Variants in SH3GL2 observed in about 807,000 individuals in gnomAD.
SH3GL2 encodes endophilin-A1.
A neutral mutation model predicts 46.0 loss-of-function variants in SH3GL2; 24 were observed. The observed-to-expected ratio is 0.52, with a 90% CI of 0.38 to 0.73. SH3GL2 has a LOEUF of 0.73. SH3GL2 is among the 30% of genes least tolerant of loss of function. The probability of loss-of-function intolerance (pLI) is 0.00; values close to 1 mark genes in which losing one functional copy is unlikely to be tolerated. For missense variants in SH3GL2, 413 were observed against 424.2 expected (o/e 0.97, Z 0.23); for synonymous variants, 196 against 147.1 (o/e 1.33, Z -2.40).
At chr9:17,616,871 G>A (rs1268048362) in intron 1 of SH3GL2, among the ~76,000 whole-genome samples, 11 of 152,072 alleles carry the variant, frequency 7.2e-5, no homozygotes, top group African/African-American at 2.7e-4. Context: ...AGATAATACA[G>A]TCAGCGTAGT....
At chr9:17,592,759 G>A (rs1486871695) in intron 1 of SH3GL2, among the ~76,000 whole-genome samples, 2 of 152,112 alleles carry the variant, frequency 1.3e-5, no homozygotes, top group East Asian at 3.9e-4. Flanking sequence ...AAAACCCATG[G>A]GATCATCAGG....
At chr9:17,657,863 A>G (rs1461227199) in intron 1 of SH3GL2, among the ~76,000 whole-genome samples, 1 of 152,210 alleles carries the variant, frequency 6.6e-6, no homozygotes, top group Admixed American at 6.5e-5. Flanking sequence ...TTATAGCAGA[A>G]GAAGTTGACC....
At chr9:17,684,861 T>C (rs1467341420) in intron 1 of SH3GL2, among the ~76,000 whole-genome samples, 1 of 152,080 alleles carries the variant, frequency 6.6e-6, no homozygotes, top group Non-Finnish European at 1.5e-5. Context: ...AAAGCAAATA[T>C]AAGTGATCTT....
intron 3 of SH3GL2, among the ~76,000 whole-genome samples, chr9:17,781,832 G>C (rs1484540891): frequency 6.6e-6 from 1 of 151,818 alleles, no homozygotes; most frequent in Non-Finnish European, 1.5e-5. Context: ...AGCATCATCT[G>C]TTCATTAGCC....
intron 1 of SH3GL2, among the ~76,000 whole-genome samples, chr9:17,682,477 C>T (rs934269169): frequency 5.3e-5 from 8 of 152,020 alleles, no homozygotes; most frequent in Admixed American, 1.3e-4. Context: ...TCAAACACTA[C>T]GTGTTCTGGT....
At chr9:17,734,448 C>G (rs72614247) in intron 1 of SH3GL2, among the ~76,000 whole-genome samples, 10,586 of 152,124 alleles carry the variant, frequency 0.07, 479 homozygotes, top group Admixed American at 0.13. Flanking sequence ...CACATAATTT[C>G]GTGTATAACT....
chr9:17,691,905 T>G (rs1588244715), intron 1 of SH3GL2, among the ~76,000 whole-genome samples: 1 of 152,168 alleles, frequency 6.6e-6, no homozygotes, highest in African/African-American at 2.4e-5. Flanking sequence ...TGAGAGTACA[T>G]ACTGAAAAGT....
At chr9:17,721,862 G>C (rs187886900) in intron 1 of SH3GL2, among the ~76,000 whole-genome samples, 273 of 152,082 alleles carry the variant, frequency 1.8e-3, no homozygotes, top group African/African-American at 6.2e-3. Context: ...TATTGGTTCT[G>C]TTTCTCTGGA....
intron 1 of SH3GL2, among the ~76,000 whole-genome samples, chr9:17,673,434 C>A (rs1820525455): frequency 6.6e-6 from 1 of 151,836 alleles, no homozygotes; most frequent in South Asian, 2.1e-4. Flanking sequence ...GCATGAGCCA[C>A]CACGCCTGGC....
intron 1 of SH3GL2, among the ~76,000 whole-genome samples, chr9:17,700,475 G>A (rs1195456382): frequency 6.6e-6 from 1 of 152,188 alleles, no homozygotes; most frequent in African/African-American, 2.4e-5. Flanking sequence ...CTGCCCCTTG[G>A]CCTCTTGGTT....
At chr9:17,597,838 T>C (rs966653977) in intron 1 of SH3GL2, among the ~76,000 whole-genome samples, 3 of 152,206 alleles carry the variant, frequency 2.0e-5, no homozygotes, top group Non-Finnish European at 4.4e-5. Flanking sequence ...TCCACCCTGA[T>C]TGAGGGCCAG....
At chr9:17,738,926 C>G (rs1051864188) in intron 1 of SH3GL2, among the ~76,000 whole-genome samples, 3 of 152,034 alleles carry the variant, frequency 2.0e-5, no homozygotes, top group African/African-American at 7.2e-5. Context: ...ACCATTTTCA[C>G]AAAACAGCTT....
At position 17,579,102 on chromosome 9, in the gene SH3GL2, A is replaced by G. The variant is rs936489136; in HGVS notation, c.-141A>G. ...TCTCCGCAAGAGCCCGTGTCCCGCTAGGCTCCGCGCCCTCGCGCCCATAGC... is the reference window on the plus strand; with the variant it reads ...TCTCCGCAAGAGCCCGTGTCCCGCTGGGCTCCGCGCCCTCGCGCCCATAGC... On this transcript the variant is annotated 5_prime_UTR_variant, in exon 1 of 9. Coordinates refer to ENST00000380607, the MANE Select transcript of SH3GL2 (RefSeq NM_003026.5). The G allele has an allele frequency of 9.8e-6, 5 of 512,432 alleles. No individual in the cohort carries two copies. Among genetic ancestry groups the G allele is most frequent in the Admixed American group, 8.9e-5 (2 of 22,424 alleles). The allele number at this position is 512,432 out of a possible 1,614,324, so 31.7% of individuals were successfully genotyped here. A position where few individuals can be genotyped will look rare whatever the true frequency, so the allele number is the denominator to read the frequency against.
chr9:17,689,290 G>A (rs1821008135), intron 1 of SH3GL2, among the ~76,000 whole-genome samples: 2 of 151,978 alleles, frequency 1.3e-5, no homozygotes, highest in East Asian at 1.9e-4. Flanking sequence ...AAACCAAGAG[G>A]AGTCTAATGA....
chr9:17,785,244 C>A (rs1823921500), intron 3 of SH3GL2, among the ~76,000 whole-genome samples: 1 of 152,090 alleles, frequency 6.6e-6, no homozygotes, highest in South Asian at 2.1e-4. Context: ...TCCTCAATCC[C>A]CCATCAAGGC....
chr9:17,740,567 A>G (rs940934740), intron 1 of SH3GL2, among the ~76,000 whole-genome samples: 2 of 152,098 alleles, frequency 1.3e-5, no homozygotes, highest in Non-Finnish European at 2.9e-5. Flanking sequence ...TCTTTTATTT[A>G]TTATCAGAGG....
chr9:17,721,071 T>C (rs1354128543), intron 1 of SH3GL2, among the ~76,000 whole-genome samples: 1 of 152,034 alleles, frequency 6.6e-6, no homozygotes, highest in Non-Finnish European at 1.5e-5. Context: ...ACTCTCGCAC[T>C]CTCCTCTGGC....
chr9:17,652,823 A>G (rs929586513), intron 1 of SH3GL2, among the ~76,000 whole-genome samples: 1 of 152,102 alleles, frequency 6.6e-6, no homozygotes, highest in African/African-American at 2.4e-5. Context: ...AAAATAGTTG[A>G]ATTTGTTATT....
chr9:17,662,652 A>T (rs1288190972), intron 1 of SH3GL2, among the ~76,000 whole-genome samples: 1 of 149,094 alleles, frequency 6.7e-6, no homozygotes, highest in Non-Finnish European at 1.5e-5. Context: ...CTGTTTTCAC[A>T]TTTTGCAGCA....
Sources: allele counts gnomAD v4.1 joint callset (sites outside exome capture counted in the v4.1 genomes callset), GRCh38; gene constraint gnomAD v4.1.1; transcripts MANE v1.5; gene names NCBI Gene and HGNC (gene_info 2026-07-23, HGNC 2026-07-21).